The following LRP1B variants were observed in gnomAD, a reference collection of about 807,000 sequenced individuals.
LRP1B encodes LDL receptor related protein 1B, also known as low-density lipoprotein receptor-related protein 1B.
In LRP1B, 217 loss-of-function variants were observed where a neutral mutation model predicts 556.6. That is an observed-to-expected ratio of 0.39 (90% CI 0.35 to 0.44). The LOEUF (loss-of-function observed/expected upper bound fraction) is 0.44. Ranked by LOEUF, LRP1B falls within the 20% of genes least tolerant of loss-of-function variation. The pLI is 1.00. For missense variants in LRP1B, 5,053 were observed against 5,620.8 expected (o/e 0.90, Z 3.23); for synonymous variants, 2,047 against 1,865.8 (o/e 1.10, Z -2.50).
At chr2:140,472,690 T>C (rs1372784362) in intron 60 of LRP1B, among the ~76,000 whole-genome samples, 2 of 152,012 alleles carry the variant, frequency 1.3e-5, no homozygotes, top group African/African-American at 4.8e-5. Context: ...AGACAAATAA[T>C]AATAAAATAA....
intron 2 of LRP1B, among the ~76,000 whole-genome samples, chr2:141,648,061 G>C (rs1195415762): frequency 6.6e-6 from 1 of 152,012 alleles, no homozygotes; most frequent in Non-Finnish European, 1.5e-5. Flanking sequence ...TCACTTGGAA[G>C]ATGTTATGGT....
chr2:141,983,968 G>A (rs55659650), intron 1 of LRP1B, among the ~76,000 whole-genome samples: 16,744 of 152,120 alleles, frequency 0.11, 1,261 homozygotes, highest in South Asian at 0.17. Flanking sequence ...AGCTGAGGCA[G>A]GAGAATCGCT....
At chr2:140,311,226 G>A (rs961185347) in intron 83 of LRP1B, among the ~76,000 whole-genome samples, 5 of 151,560 alleles carry the variant, frequency 3.3e-5, no homozygotes, top group South Asian at 2.1e-4. Flanking sequence ...CATATGGCAC[G>A]TGTATGTTTA....
chr2:141,739,825 T>A (rs1693630736), intron 2 of LRP1B, among the ~76,000 whole-genome samples: 1 of 152,082 alleles, frequency 6.6e-6, no homozygotes, highest in African/African-American at 2.4e-5. Context: ...AATATCTTTT[T>A]CTGACTGCTG....
intron 3 of LRP1B, among the ~76,000 whole-genome samples, chr2:141,337,587 G>GT (rs1248081312): frequency 6.6e-6 from 1 of 152,108 alleles, no homozygotes; most frequent in African/African-American, 2.4e-5. Flanking sequence ...AATGTATTTA[G>GT]TTTTTTCTTT....
intron 2 of LRP1B, among the ~76,000 whole-genome samples, chr2:141,790,838 C>T (rs1574362776): frequency 6.6e-6 from 1 of 151,868 alleles, no homozygotes; most frequent in East Asian, 1.9e-4. Flanking sequence ...GTAATGAGTT[C>T]CTTGGTAACA....
chr2:140,569,341 A>C (rs1250120433), intron 43 of LRP1B, among the ~76,000 whole-genome samples: 1 of 151,934 alleles, frequency 6.6e-6, no homozygotes, highest in Non-Finnish European at 1.5e-5. Flanking sequence ...TATAAAGACA[A>C]ACATAGACTG....
intron 41 of LRP1B, among the ~76,000 whole-genome samples, chr2:140,621,987 AG>A (rs1415871506): frequency 6.6e-6 from 1 of 152,214 alleles, no homozygotes; most frequent in Non-Finnish European, 1.5e-5. Flanking sequence ...AGCAACAAAC[AG>A]CCTTAATTCA....
chr2:141,430,077 C>A (rs1242636709), intron 3 of LRP1B, among the ~76,000 whole-genome samples: 1 of 152,128 alleles, frequency 6.6e-6, no homozygotes, highest in Non-Finnish European at 1.5e-5. Context: ...TCAACTCTCA[C>A]TAACTAGCCT....
chr2:140,806,557 C>T (rs143108443), intron 32 of LRP1B, among the ~76,000 whole-genome samples: 24 of 152,208 alleles, frequency 1.6e-4, no homozygotes, highest in African/African-American at 5.5e-4. Flanking sequence ...CCTTATAGGG[C>T]CCAGGGCTCA....
intron 7 of LRP1B, among the ~76,000 whole-genome samples, chr2:141,067,903 G>C (rs567282394): frequency 6.6e-6 from 1 of 152,008 alleles, no homozygotes; most frequent in East Asian, 2.0e-4. Flanking sequence ...CAAAGTAAAG[G>C]GGCTATGAGA....
At chr2:141,728,229 T>C (rs1693120598) in intron 2 of LRP1B, among the ~76,000 whole-genome samples, 1 of 152,134 alleles carries the variant, frequency 6.6e-6, no homozygotes, top group Non-Finnish European at 1.5e-5. Context: ...TAGTATTCTG[T>C]TCAAGTTTAA....
intron 3 of LRP1B, among the ~76,000 whole-genome samples, chr2:141,456,001 TG>T (rs1474869448): frequency 5.3e-5 from 8 of 152,222 alleles, no homozygotes; most frequent in African/African-American, 1.9e-4. Flanking sequence ...CATGGGCTTC[TG>T]GCTGAGTACA....
intron 46 of LRP1B, 23 bp from the exon 47 acceptor site, chr2:140,534,163 C>T: frequency 1.9e-6 from 3 of 1,597,984 alleles, no homozygotes; most frequent in South Asian, 1.1e-5. Context: ...AGTAGAAACA[C>T]ACAACCAGAG....
intron 49 of LRP1B, among the ~76,000 whole-genome samples, chr2:140,523,416 G>T (rs1407808563): frequency 6.6e-6 from 1 of 151,776 alleles, no homozygotes; most frequent in African/African-American, 2.4e-5. Context: ...CAAGCCCAAA[G>T]CCAATCTCAA....
intron 41 of LRP1B, among the ~76,000 whole-genome samples, chr2:140,616,485 T>C (rs1683260885): frequency 2.8e-5 from 1 of 35,424 alleles, no homozygotes; most frequent in African/African-American, 1.8e-4. Context: ...TGACTCAGTC[T>C]TTTTTTTTTT....
At chr2:140,815,800 A>T (rs1037217149) in intron 31 of LRP1B, among the ~76,000 whole-genome samples, 3 of 152,130 alleles carry the variant, frequency 2.0e-5, no homozygotes, top group African/African-American at 7.2e-5. Context: ...CTCCTAAATC[A>T]ATGCAATACA....
In LRP1B at chr2:140,525,968, A is replaced by T. The variant is rs2104968019; in HGVS notation, c.7902T>A (p.Tyr2634Ter). 1 of 1,612,200 alleles carries T rather than the reference A, an allele frequency of 6.2e-7. No individual in the cohort carries two copies. The highest frequency in any genetic ancestry group is 8.5e-7 in the Non-Finnish European group (1 of 1,178,840). Residue 2634 changes from tyrosine (Y) to a stop codon, truncating the protein, a stop_gained, in exon 49 of 91, where the codon TAT (tyrosine) becomes TAA (stop). Coordinates refer to ENST00000389484, the MANE Select transcript of LRP1B (RefSeq NM_018557.3). LOFTEE classifies it high-confidence loss of function. ...ACCCTGTGGTTTTCACTCCAAGCTT[A>T]TAGAAATGTGTGCAGTCTGTGTTAT... ...NCNNTDCTHFYKLGVKTTGFI... is the reference protein window; with the variant it reads ...NCNNTDCTHF
chr2:141,561,138 A>G (rs1305562211), intron 2 of LRP1B, among the ~76,000 whole-genome samples: 2 of 151,750 alleles, frequency 1.3e-5, no homozygotes, highest in African/African-American at 2.4e-5. Context: ...TAACACCACA[A>G]TGCATAGCAG....
Sources: allele counts gnomAD v4.1 joint callset (sites outside exome capture counted in the v4.1 genomes callset), GRCh38; gene constraint gnomAD v4.1.1; transcripts MANE v1.5; gene names NCBI Gene and HGNC (gene_info 2026-07-23, HGNC 2026-07-21).